MGAT4C: variants seen among roughly 807,000 people sequenced by gnomAD.
MGAT4C encodes alpha-1,3-mannosyl-glycoprotein 4-beta-N-acetylglucosaminyltransferase C.
Under a neutral mutation model 40.1 loss-of-function variants are expected in MGAT4C, and 19 were observed. The ratio of observed to expected loss-of-function variants is 0.47; its 90% CI spans 0.33 to 0.70. The LOEUF is 0.70. Among genes scored for constraint, MGAT4C ranks in the 30% least tolerant of loss-of-function variants. The probability of loss-of-function intolerance (pLI) is 0.02; values close to 1 mark genes in which losing one functional copy is unlikely to be tolerated. For synonymous variants in MGAT4C, 181 were observed against 187.1 expected (o/e 0.97, Z 0.27); for missense variants, 491 against 563.2 (o/e 0.87, Z 1.30).
chr12:86,176,372 C>A (rs920598506), intron 1 of MGAT4C, among the ~76,000 whole-genome samples: 1 of 152,176 alleles, frequency 6.6e-6, no homozygotes, highest in Non-Finnish European at 1.5e-5. Context: ...TAGTCTTGTA[C>A]ACCTTCCCAA....
intron 4 of MGAT4C, among the ~76,000 whole-genome samples, chr12:86,315,060 CAAAT>C (rs890764220): frequency 1.4e-5 from 2 of 148,022 alleles, no homozygotes; most frequent in Admixed American, 6.7e-5. Context: ...TTAAAAAAAA[CAAAT>C]AAAAAACAGA....
chr12:86,227,997 T>C (rs1951163453), intron 1 of MGAT4C, among the ~76,000 whole-genome samples: 1 of 151,902 alleles, frequency 6.6e-6, no homozygotes, highest in Non-Finnish European at 1.5e-5. Context: ...TATAATAGCA[T>C]ATTGTTTCAT....
chr12:86,799,521 T>C (rs1952188170), intron 1 of MGAT4C, among the ~76,000 whole-genome samples: 1 of 151,862 alleles, frequency 6.6e-6, no homozygotes, highest in South Asian at 2.1e-4. Flanking sequence ...GTCAATTTTC[T>C]TTTAAACCAT....
intron 1 of MGAT4C, among the ~76,000 whole-genome samples, chr12:86,774,401 CT>C (rs200508968): frequency 3.6e-4 from 22 of 61,510 alleles, no homozygotes; most frequent in South Asian, 1.4e-3. Flanking sequence ...TCTCTCCTCT[CT>C]CTCTCTCTCT....
intron 2 of MGAT4C, among the ~76,000 whole-genome samples, chr12:86,707,461 G>A (rs1435183796): frequency 2.0e-5 from 3 of 151,958 alleles, no homozygotes; most frequent in Non-Finnish European, 1.5e-5. Flanking sequence ...GCTCTGTCCT[G>A]GAGATTTGTG....
At chr12:86,301,534 T>C (rs1324395709) in intron 4 of MGAT4C, among the ~76,000 whole-genome samples, 3 of 152,216 alleles carry the variant, frequency 2.0e-5, no homozygotes, top group African/African-American at 7.2e-5. Flanking sequence ...TACATTTGTG[T>C]TCTTCTCACC....
intron 2 of MGAT4C, among the ~76,000 whole-genome samples, chr12:86,437,009 T>A (rs1471825072): frequency 2.6e-5 from 4 of 151,748 alleles, no homozygotes; most frequent in Non-Finnish European, 4.4e-5. Context: ...TAATTTTCGA[T>A]GTAGAAATGA....
chr12:86,652,506 C>T (rs937263672), intron 2 of MGAT4C, among the ~76,000 whole-genome samples: 2 of 151,798 alleles, frequency 1.3e-5, no homozygotes, highest in African/African-American at 4.8e-5. Flanking sequence ...ATTGGGAAGC[C>T]TGAGAATGAA....
At chr12:86,750,731 C>T (rs1216842551) in intron 1 of MGAT4C, among the ~76,000 whole-genome samples, 2 of 151,654 alleles carry the variant, frequency 1.3e-5, no homozygotes, top group African/African-American at 2.4e-5. Flanking sequence ...CTTTGCAAGT[C>T]GATATAGAAC....
At chr12:86,564,374 C>T (rs1245120899) in intron 2 of MGAT4C, among the ~76,000 whole-genome samples, 4 of 152,084 alleles carry the variant, frequency 2.6e-5, no homozygotes, top group Non-Finnish European at 5.9e-5. Context: ...TATACCTTCA[C>T]TGTTGTACCT....
At chr12:86,744,305 A>G (rs1951118185) in intron 1 of MGAT4C, among the ~76,000 whole-genome samples, 1 of 145,194 alleles carries the variant, frequency 6.9e-6, no homozygotes. Flanking sequence ...GTTGCTAAGG[A>G]AAAAAAAAAT....
At chr12:86,782,168 T>G (rs139449546) in intron 1 of MGAT4C, among the ~76,000 whole-genome samples, 1 of 130,346 alleles carries the variant, frequency 7.7e-6, no homozygotes, top group Non-Finnish European at 1.6e-5. Context: ...AAATGTTTTT[T>G]GTATTTTTTT....
At chr12:86,183,417 AT>A (rs1378888335) in intron 1 of MGAT4C, among the ~76,000 whole-genome samples, 2 of 152,316 alleles carry the variant, frequency 1.3e-5, no homozygotes, top group African/African-American at 4.8e-5. Flanking sequence ...CGAGAAAAGG[AT>A]AAAAATAATA....
chr12:86,347,766 T>A (rs1257807140), intron 3 of MGAT4C, among the ~76,000 whole-genome samples: 4 of 152,156 alleles, frequency 2.6e-5, no homozygotes, highest in Admixed American at 2.6e-4. Flanking sequence ...ATAAGCATAG[T>A]CCCCATGTTT....
chr12:86,442,578 C>T (rs1314070228), intron 2 of MGAT4C, among the ~76,000 whole-genome samples: 1 of 151,960 alleles, frequency 6.6e-6, no homozygotes, highest in Non-Finnish European at 1.5e-5. Context: ...GCCAGTTTTC[C>T]CAGCACCATT....
At chr12:86,415,584 T>C (rs1485510191) in intron 3 of MGAT4C, among the ~76,000 whole-genome samples, 1 of 152,024 alleles carries the variant, frequency 6.6e-6, no homozygotes, top group Non-Finnish European at 1.5e-5. Flanking sequence ...AATGGATTCA[T>C]CATAAATAAT....
intron 1 of MGAT4C, among the ~76,000 whole-genome samples, chr12:86,066,538 T>C (rs897547042): frequency 6.6e-6 from 1 of 152,136 alleles, no homozygotes; most frequent in African/African-American, 2.4e-5. Context: ...ATCCCTTCCT[T>C]ACACCTTATA....
chr12:86,394,023 T>G (rs1325980482), intron 3 of MGAT4C, among the ~76,000 whole-genome samples: 1 of 152,100 alleles, frequency 6.6e-6, no homozygotes, highest in Middle Eastern at 3.2e-3. Flanking sequence ...AACAATCACT[T>G]TTGCTCCTAA....
chr12:86,241,070 A>AC (rs1951763821), intron 1 of MGAT4C, among the ~76,000 whole-genome samples: 1 of 152,068 alleles, frequency 6.6e-6, no homozygotes, highest in Non-Finnish European at 1.5e-5. Flanking sequence ...CATTCCAGGC[A>AC]AAAAAATAAT....
Sources: gnomAD v4.1 joint callset for allele counts (sites outside exome capture counted in the v4.1 genomes callset) on GRCh38, gnomAD v4.1.1 for gene constraint, MANE v1.5 for transcripts, NCBI Gene and HGNC (gene_info 2026-07-23, HGNC 2026-07-21) for gene names.